The following CNTRL variants were observed in gnomAD, a reference collection of about 807,000 sequenced individuals.
The protein encoded by CNTRL is centriolin, also known as 110 kDa centrosomal protein.
A neutral mutation model predicts 303.7 loss-of-function variants in CNTRL; 233 were observed. That is an observed-to-expected ratio of 0.77 (90% confidence interval 0.69 to 0.86). The LOEUF (loss-of-function observed/expected upper bound fraction) is 0.86, where lower values mean the gene tolerates loss of function less well. Among genes scored for constraint, CNTRL ranks in the 40% least tolerant of loss-of-function variants. CNTRL has a pLI of 0.00. For missense variants in CNTRL, 2,524 were observed against 2,650.6 expected, an observed-to-expected ratio of 0.95 and a Z score of 1.05; for synonymous variants, 900 against 922.2, an observed-to-expected ratio of 0.98 and a Z score of 0.44.
At position 121,104,654 on chromosome 9, in the gene CNTRL, A is replaced by G. The variant is rs190973362; in HGVS notation, c.809-3148A>G. On this transcript the variant is annotated intron_variant, in intron 7 of 43. Transcript: ENST00000373855. ...GTGTGAGATGGCACAGGGCCTTGGAATTTTGATTTTATTTCAGGTGCATTG... is the reference window on the plus strand; with the variant it reads ...GTGTGAGATGGCACAGGGCCTTGGAGTTTTGATTTTATTTCAGGTGCATTG... Among the ~76,000 whole-genome samples, 39 of 148,178 alleles carry G rather than the reference A, an allele frequency of 2.6e-4. No individual in the cohort carries two copies. In the East Asian group the frequency reaches 6.8e-3, roughly 26 times the overall value.
chr9:121,076,172 G>A (rs2047915851), intron 1 of CNTRL, among the ~76,000 whole-genome samples: 2 of 152,334 alleles, frequency 1.3e-5, no homozygotes, highest in Admixed American at 1.3e-4. Context: ...AAAATGCTAT[G>A]AAGGAGACTG....
intron 13 of CNTRL, among the ~76,000 whole-genome samples, chr9:121,125,291 G>A (rs778670971): frequency 2.0e-5 from 3 of 151,232 alleles, no homozygotes; most frequent in Admixed American, 6.6e-5. Flanking sequence ...CCTCAGCCTC[G>A]TGAGTAGCAG....
Position 121,124,094 on chromosome 9 carries a change from T to C in CNTRL, c.1804+10T>C, listed in dbSNP as rs942419041. 1.9e-6 allele frequency: 3 copies of C among 1,597,600 alleles called. No individual in the cohort carries two copies. Among genetic ancestry groups the C allele is most frequent in the Admixed American group, 1.8e-5 (1 of 56,384 alleles). On this transcript the variant is annotated intron_variant, in intron 13 of 43. Coordinates refer to ENST00000373855, the MANE Select transcript of CNTRL (RefSeq NM_007018.6). Reference sequence around the variant, plus strand: ...GAACAGCTTACTGAAGGTAAGACTTTCAGTATGATTTAAGGTAAATCAGTG... The same window carrying C: ...GAACAGCTTACTGAAGGTAAGACTTCCAGTATGATTTAAGGTAAATCAGTG...
At chr9:121,133,158 C>G (rs763486913) in intron 14 of CNTRL, among the ~76,000 whole-genome samples, 1 of 152,232 alleles carries the variant, frequency 6.6e-6, no homozygotes, top group Non-Finnish European at 1.5e-5. Context: ...CTGGGAGAAC[C>G]ACTGCTCTCT....
chr9:121,141,723 G>C, intron 18 of CNTRL, 135 bp downstream of exon 18: 1 of 854,126 alleles, frequency 1.2e-6, no homozygotes, highest in Non-Finnish European at 1.8e-6. Context: ...AGTCAAGCTG[G>C]GTGTGACTAA....
chr9:121,120,972 A>G (rs1216285459), intron 12 of CNTRL, among the ~76,000 whole-genome samples: 3 of 152,172 alleles, frequency 2.0e-5, no homozygotes, highest in Non-Finnish European at 2.9e-5. Context: ...CTGATTCACA[A>G]AGTTTCATAT....
chr9:121,144,041 C>T lies in CNTRL; in HGVS notation c.3010C>T (p.Leu1004Phe). The T allele has an allele frequency of 6.2e-7, 1 of 1,613,540 alleles. No homozygotes were observed. Among genetic ancestry groups the T allele is most frequent in the South Asian group, 1.1e-5 (1 of 91,022 alleles). Residue 1004 changes from leucine to phenylalanine, a missense_variant, in exon 20 of 44, where the codon CTT (leucine) becomes TTT (phenylalanine). Transcript: ENST00000373855. ...LTIAKDQLKS[L>F]HGTVMKINQE... ...CATTGCCAAAGACCAGCTGAAGTCC[C>T]TTCATGGAACTGTTATGAAAATTAA... is the stretch of plus-strand genomic sequence containing the variant.
intron 5 of CNTRL, 127 bp downstream of exon 5, chr9:121,095,145 C>G: frequency 5.6e-6 from 4 of 708,884 alleles, no homozygotes; most frequent in Non-Finnish European, 8.8e-6. Flanking sequence ...CTTTATTCAT[C>G]AATCAAATGA....
intron 7 of CNTRL, among the ~76,000 whole-genome samples, chr9:121,104,202 A>T (rs2049333351): frequency 1.3e-5 from 2 of 152,270 alleles, no homozygotes; most frequent in African/African-American, 4.8e-5. Context: ...GCCATAAAAA[A>T]GGATGAGTTC....
intron 2 of CNTRL, among the ~76,000 whole-genome samples, chr9:121,083,573 A>T (rs1419602699): frequency 6.6e-6 from 1 of 152,204 alleles, no homozygotes; most frequent in Non-Finnish European, 1.5e-5. Context: ...CTCTTGAAGG[A>T]CCTACCTGCC....
At position 121,125,949 on chromosome 9, in the gene CNTRL, T is replaced by A. The variant is rs2050497833; in HGVS notation, c.2025+13T>A. On this transcript the variant is annotated intron_variant, in intron 14 of 43. Transcript: ENST00000373855. ...AAATATGAGGAAGGTATGATTTTTT[T>A]CCTGCCTATTTTCCGTAGCTTCATA... The A allele has an allele frequency of 6.2e-7, 1 of 1,608,362 alleles. No individual in the cohort carries two copies. The highest frequency in any genetic ancestry group is 1.1e-5 in the South Asian group (1 of 90,928).
At chr9:121,125,985 G>A in intron 14 of CNTRL, 49 bp downstream of exon 14, 1 of 1,490,490 alleles carries the variant, frequency 6.7e-7, no homozygotes, top group East Asian at 2.3e-5. Flanking sequence ...AGTAGATAAT[G>A]TCCAAATTAA....
chr9:121,111,180 A>G (rs2133100088), intron 8 of CNTRL: 1 of 152,272 alleles, frequency 6.6e-6, no homozygotes, highest in Middle Eastern at 3.4e-3. Flanking sequence ...GCAGCAGTAC[A>G]TCGAAGGCAG....
In CNTRL at chr9:121,109,759, A is replaced by G. The variant is rs565726598; in HGVS notation, c.1002+1764A>G. Among the ~76,000 whole-genome samples the G allele has an allele frequency of 3.9e-5, 6 of 152,288 alleles. No homozygotes were observed. The East Asian group carries it at 9.6e-4, about 24-fold the overall frequency. ...AAGGGAAGAAAATACCCAATTTCCA[A>G]CTAGGTACTATTATTTTGAATTTGT... is the stretch of plus-strand genomic sequence containing the variant. On this transcript the variant is annotated intron_variant, in intron 8 of 43. Transcript: ENST00000373855.
At chr9:121,115,068 G>T in intron 10 of CNTRL, 23 bp from the exon 11 acceptor site, 3 of 1,423,772 alleles carry the variant, frequency 2.1e-6, no homozygotes, top group Admixed American at 2.0e-5. Context: ...CATATTATGT[G>T]AGCATGGTTT....
chr9:121,150,096 A>T (rs923114308), intron 24 of CNTRL, 74 bp from the exon 25 acceptor site: 379 of 1,238,812 alleles, frequency 3.1e-4, no homozygotes, highest in Non-Finnish European at 3.7e-4. Context: ...TCTCTACTAA[A>T]TTTGTTTACC....
At chr9:121,102,573 A>C (rs1200339370) in intron 7 of CNTRL, among the ~76,000 whole-genome samples, 1 of 152,206 alleles carries the variant, frequency 6.6e-6, no homozygotes, top group African/African-American at 2.4e-5. Flanking sequence ...GAAAGAAATA[A>C]AGGATGTTCA....
At position 121,173,362 on chromosome 9, in the gene CNTRL, TC is replaced by T. The variant is rs1225688976; in HGVS notation, c.6539del (p.Pro2180GlnfsTer7). 2 of 1,614,042 alleles carry T rather than the reference TC, an allele frequency of 1.2e-6. No individual in the cohort carries two copies. Among genetic ancestry groups the T allele is most frequent in the African/African-American group, 2.7e-5 (2 of 74,936 alleles). On this transcript the variant is annotated frameshift_variant, in exon 41 of 44. Coordinates refer to ENST00000373855, the MANE Select transcript of CNTRL (RefSeq NM_007018.6). LOFTEE classifies it high-confidence loss of function. Reference protein sequence around the residue: ...TSLKNLNQFLPELPADLEAIL... With the variant: ...TSLKNLNQFLXELPADLEAIL... The stretch of plus-strand genomic sequence containing the variant: ...GCTTGAAGAATCTTAATCAGTTTCT[TC>T]CAGAACTACCAGCAGATCTAGAAGC...
chr9:121,150,633 T>A, intron 25 of CNTRL, 150 bp downstream of exon 25: 1 of 720,184 alleles, frequency 1.4e-6, no homozygotes. Context: ...AAGCATTCTC[T>A]TATTAAAATT....
Sources: allele counts gnomAD v4.1 joint callset (sites outside exome capture counted in the v4.1 genomes callset), GRCh38; gene constraint gnomAD v4.1.1; transcripts MANE v1.5; gene names NCBI Gene and HGNC (gene_info 2026-07-23, HGNC 2026-07-21).